The following ITPR2 variants were observed in gnomAD, a reference collection of about 807,000 sequenced individuals.
ITPR2 encodes the protein inositol 1,4,5-trisphosphate-gated calcium channel ITPR2.
A neutral mutation model predicts 317.1 loss-of-function variants in ITPR2; 207 were observed. That is an observed-to-expected ratio of 0.65 (90% confidence interval 0.58 to 0.73). The LOEUF (loss-of-function observed/expected upper bound fraction) is 0.73. Among genes scored for constraint, ITPR2 ranks in the 30% least tolerant of loss-of-function variants. ITPR2 has a pLI of 0.00. For missense variants in ITPR2, 2,613 were observed against 3,284.0 expected (o/e 0.80, Z 4.99); for synonymous variants, 1,156 against 1,149.1 (o/e 1.01, Z -0.12).
intron 48 of ITPR2, among the ~76,000 whole-genome samples, chr12:26,430,837 T>C (rs1941186319): frequency 6.6e-6 from 1 of 152,172 alleles, no homozygotes; most frequent in Non-Finnish European, 1.5e-5. Context: ...GCAGACTCTA[T>C]AGTTTCCTGT....
At position 26,567,962 on chromosome 12, in the gene ITPR2, ATATATAT is replaced by A. The variant is rs1461041558; in HGVS notation, c.4631-6017_4631-6011del. 2.0e-3 allele frequency among the ~76,000 whole-genome samples: 49 copies of A among 24,842 alleles called. 2 individuals carry two copies. Among genetic ancestry groups the A allele is most frequent in the East Asian group, 5.6e-3 (9 of 1,618 alleles). 16.3% of individuals were successfully genotyped at this position (24,842 alleles called of 152,430 possible). A position where few individuals can be genotyped will look rare whatever the true frequency, so the allele number is the denominator to read the frequency against. On this transcript the variant is annotated intron_variant, in intron 34 of 56. Coordinates refer to ENST00000381340, the MANE Select transcript of ITPR2 (RefSeq NM_002223.4). ...GTATATATATATATTATATATATAT[ATATATAT>A]TATATATATTATATATATATATATA... is the stretch of plus-strand genomic sequence containing the variant.
chr12:26,528,936 C>T (rs1487288271), intron 37 of ITPR2, among the ~76,000 whole-genome samples: 1 of 152,120 alleles, frequency 6.6e-6, no homozygotes, highest in Non-Finnish European at 1.5e-5. Flanking sequence ...ACATTTTGAA[C>T]TCCTCTTTGT....
intron 37 of ITPR2, among the ~76,000 whole-genome samples, chr12:26,544,838 C>T (rs550598197): frequency 6.6e-6 from 1 of 152,182 alleles, no homozygotes; most frequent in East Asian, 1.9e-4. Context: ...TTAGGCATTA[C>T]AGGGCAGGTA....
chr12:26,558,741 T>G (rs937033741), intron 35 of ITPR2, among the ~76,000 whole-genome samples: 5 of 152,340 alleles, frequency 3.3e-5, no homozygotes, highest in African/African-American at 9.6e-5. Flanking sequence ...TAATAACATC[T>G]GTATGTTGGA....
intron 2 of ITPR2, among the ~76,000 whole-genome samples, chr12:26,786,581 G>A (rs1426386974): frequency 6.6e-6 from 1 of 152,050 alleles, no homozygotes; most frequent in Non-Finnish European, 1.5e-5. Flanking sequence ...CTGTCCATCA[G>A]GTTTGAAATA....
At position 26,729,826 on chromosome 12, in the gene ITPR2, G is replaced by C. The variant is rs149294643; in HGVS notation, c.164-4061C>G. 3.6e-3 allele frequency among the ~76,000 whole-genome samples: 545 copies of C among 152,126 alleles called. 5 individuals carry two copies. The highest frequency in any genetic ancestry group is 0.013 in the African/African-American group (529 of 41,510). On this transcript the variant is annotated intron_variant, in intron 2 of 56. Transcript: ENST00000381340. Reference sequence around the variant, plus strand: ...TTTTGGAGGATGGAGGATGAGAGGAGGGAGAGGATCAAGAAAAATAACTAA... The same window carrying C: ...TTTTGGAGGATGGAGGATGAGAGGACGGAGAGGATCAAGAAAAATAACTAA...
At chr12:26,478,754 A>G (rs761204607) in intron 43 of ITPR2, among the ~76,000 whole-genome samples, 1 of 152,120 alleles carries the variant, frequency 6.6e-6, no homozygotes, top group Non-Finnish European at 1.5e-5. Context: ...GAAAAAACAA[A>G]ACAAAACAAA....
At position 26,597,074 on chromosome 12, in the gene ITPR2, G is replaced by C; in HGVS notation, c.4063C>G (p.Leu1355Val). ...CTCTCTGAACACATCATATGGAGAAGGATTGGAAATGATGCTCTATCATTG... is the reference window on the plus strand; with the variant it reads ...CTCTCTGAACACATCATATGGAGAACGATTGGAAATGATGCTCTATCATTG... ...FYNDRASFPI[L>V]LHMMCSERDR... The change falls in exon 31 of 57, where the codon CTT becomes GTT. Residue 1355 changes from leucine (L) to valine (V), a missense_variant. By Grantham distance (32) the Leu-to-Val change is conservative. This residue lies in a region of ITPR2 where 817 missense variants were observed against 897.6 expected (regional missense o/e 0.91). Coordinates refer to ENST00000381340, the MANE Select transcript of ITPR2 (RefSeq NM_002223.4). The C allele has an allele frequency of 1.9e-6, 3 of 1,613,816 alleles. No individual in the cohort carries two copies. Among genetic ancestry groups the C allele is most frequent in the Non-Finnish European group, 2.5e-6 (3 of 1,179,808 alleles).
intron 13 of ITPR2, 82 bp from the exon 14 acceptor site, chr12:26,666,133 T>TGG: frequency 3.7e-6 from 1 of 268,724 alleles, no homozygotes; most frequent in East Asian, 1.1e-4. Context: ...GGTAGGTAGG[T>TGG]AGAGATAGAT....
intron 10 of ITPR2, among the ~76,000 whole-genome samples, chr12:26,689,952 T>G (rs555048793): frequency 1.3e-5 from 2 of 152,338 alleles, no homozygotes; most frequent in South Asian, 2.1e-4. Flanking sequence ...AGGAGAATTA[T>G]AGTCACAAAG....
In ITPR2 at chr12:26,682,668, G is replaced by C; in HGVS notation, c.1154C>G (p.Ser385Ter). ...GCATAAATGCCTTAACCGAACATAT[G>C]AGTTCCTAAAAGCAAAACAATATAA... ...QRADCLVPRN[S>*]YVRLRHLCTN... The change falls in exon 12 of 57, where the codon TCA becomes TGA. Residue 385 changes from serine (S) to a stop codon, truncating the protein, a stop_gained. Transcript: ENST00000381340. LOFTEE classifies it high-confidence loss of function. 6.2e-7 allele frequency: 1 copy of C among 1,606,850 alleles called. No individual in the cohort carries two copies. Among genetic ancestry groups the C allele is most frequent in the South Asian group, 1.1e-5 (1 of 90,216 alleles).
intron 21 of ITPR2, among the ~76,000 whole-genome samples, chr12:26,637,715 G>T (rs1041112540): frequency 6.6e-6 from 1 of 152,118 alleles, no homozygotes; most frequent in African/African-American, 2.4e-5. Context: ...ATTTAATTAT[G>T]TTCCATTATA....
At chr12:26,644,873 T>C (rs1010588798) in intron 21 of ITPR2, among the ~76,000 whole-genome samples, 1 of 152,152 alleles carries the variant, frequency 6.6e-6, no homozygotes, top group Non-Finnish European at 1.5e-5. Flanking sequence ...ACCCAGTCTA[T>C]GGTATTTTTG....
chr12:26,502,847 C>T (rs61914033), intron 37 of ITPR2, among the ~76,000 whole-genome samples: 1 of 151,990 alleles, frequency 6.6e-6, no homozygotes, highest in Non-Finnish European at 1.5e-5. Flanking sequence ...AAAGTCATAA[C>T]TAGTTTGCTG....
Position 26,624,316 on chromosome 12 carries a change from T to G in ITPR2, c.3105A>C (p.Glu1035Asp). Residue 1035 changes from glutamate to aspartate, a missense_variant, in exon 24 of 57, where the codon GAA (glutamate) becomes GAC (aspartate). By Grantham distance (45) the Glu-to-Asp change is conservative. Around this residue, in one of 9 missense-constraint regions of ITPR2, gnomAD observed 817 missense variants for 897.6 expected, o/e 0.91. Coordinates refer to ENST00000381340, the MANE Select transcript of ITPR2 (RefSeq NM_002223.4). ...TACTATACCTTCCCGCAAACATAGT[T>G]TCTGCCTGAGCTGCAATTTCATCTA... ...PDIDEIAAQA[E>D]TMFAGRKEKN... 3 of 1,608,938 alleles carry G rather than the reference T, an allele frequency of 1.9e-6. No homozygotes were observed. The highest frequency in any genetic ancestry group is 2.5e-6 in the Non-Finnish European group (3 of 1,176,582).
At chr12:26,505,340 G>A (rs953197740) in intron 37 of ITPR2, among the ~76,000 whole-genome samples, 2 of 152,098 alleles carry the variant, frequency 1.3e-5, no homozygotes, top group Non-Finnish European at 2.9e-5. Flanking sequence ...ATTGTCTTCT[G>A]AACAATCCAC....
At chr12:26,409,900 A>G (rs950023415) in intron 52 of ITPR2, among the ~76,000 whole-genome samples, 3 of 150,796 alleles carry the variant, frequency 2.0e-5, no homozygotes, top group Admixed American at 6.6e-5. Context: ...AAATATGTAG[A>G]AAAAAAATGC....
intron 21 of ITPR2, among the ~76,000 whole-genome samples, chr12:26,652,554 T>C (rs373406844): frequency 6.0e-5 from 9 of 150,108 alleles, no homozygotes; most frequent in African/African-American, 2.2e-4. Context: ...GAGGCTCTTA[T>C]TGCCCCAGCT....
intron 55 of ITPR2, among the ~76,000 whole-genome samples, chr12:26,342,356 C>T (rs1320110925): frequency 2.0e-5 from 3 of 151,924 alleles, no homozygotes; most frequent in Non-Finnish European, 2.9e-5. Flanking sequence ...ATTTATATTA[C>T]GTATTATCTG....
Sources: gnomAD v4.1 joint callset for allele counts (sites outside exome capture counted in the v4.1 genomes callset) on GRCh38, gnomAD v4.1.1 for gene constraint, gnomAD v4.1.1 regional missense constraint, MANE v1.5 for transcripts, NCBI Gene and HGNC (gene_info 2026-07-23, HGNC 2026-07-21) for gene names.